PTPRJ: variants seen among roughly 807,000 people sequenced by gnomAD.
PTPRJ encodes receptor-type tyrosine-protein phosphatase eta.
In PTPRJ, 129 loss-of-function variants were observed where a neutral mutation model predicts 141.3. That is an observed-to-expected ratio of 0.91 (90% CI 0.79 to 1.06). The LOEUF is 1.06. Ranked by LOEUF, PTPRJ falls within the 50% of genes least tolerant of loss-of-function variation. PTPRJ has a pLI of 0.00. For synonymous variants in PTPRJ, 610 were observed against 640.5 expected (o/e 0.95, Z 0.72); for missense variants, 1,601 against 1,679.7 (o/e 0.95, Z 0.82).
At chr11:48,071,929 A>G (rs1429456927) in intron 1 of PTPRJ, among the ~76,000 whole-genome samples, 39 of 75,878 alleles carry the variant, frequency 5.1e-4, no homozygotes, top group East Asian at 1.7e-3. Context: ...TTTTTGAGAC[A>G]GAGTCTCACT....
intron 1 of PTPRJ, among the ~76,000 whole-genome samples, chr11:48,022,320 C>G (rs1348277500): frequency 6.6e-6 from 1 of 152,024 alleles, no homozygotes; most frequent in Non-Finnish European, 1.5e-5. Context: ...CAAAATTAGC[C>G]AGGCCTGGTG....
At chr11:48,148,838 C>T (rs1195997407) in intron 15 of PTPRJ, among the ~76,000 whole-genome samples, 1 of 152,030 alleles carries the variant, frequency 6.6e-6, no homozygotes, top group East Asian at 1.9e-4. Context: ...TTTTCTTGGC[C>T]ACAGTTACTT....
At chr11:48,001,784 G>A (rs529729565) in intron 1 of PTPRJ, among the ~76,000 whole-genome samples, 1 of 152,306 alleles carries the variant, frequency 6.6e-6, no homozygotes, top group Admixed American at 6.5e-5. Flanking sequence ...TCAAGCCTAG[G>A]CTGCTTGCTG....
At chr11:48,131,641 T>C (rs1856986667) in intron 8 of PTPRJ, 2 of 704,750 alleles carry the variant, frequency 2.8e-6, no homozygotes, top group South Asian at 1.6e-5. Context: ...GCCATGTTCA[T>C]TTGCTTATGT....
intron 1 of PTPRJ, among the ~76,000 whole-genome samples, chr11:48,053,178 TA>T (rs1411231591): frequency 9.7e-6 from 1 of 103,268 alleles, no homozygotes; most frequent in South Asian, 2.4e-4. Context: ...TAAAAATATA[TA>T]AATATATATA....
chr11:48,096,232 T>C (rs1856001603), intron 1 of PTPRJ, among the ~76,000 whole-genome samples: 1 of 152,156 alleles, frequency 6.6e-6, no homozygotes, highest in South Asian at 2.1e-4. Flanking sequence ...TGTGGACAGA[T>C]GATGCTGGTC....
rs1170823104 is a variant in PTPRJ, at chr11:48,156,004, A to G, written c.3323A>G (p.Asp1108Gly). Residue 1108 changes from aspartate to glycine, a missense_variant, in exon 21 of 25, where the codon GAT becomes GGT. Physicochemically the swap from Asp to Gly is moderately conservative, Grantham distance 94. Coordinates refer to ENST00000418331, the MANE Select transcript of PTPRJ (RefSeq NM_002843.4). ...NYMPGYHSKK[D>G]FIATQGPLPN... Reference sequence around the variant, plus strand: ...TTTTAGGGCTACCACTCCAAGAAAGATTTTATTGCCACACAAGGACCTTTA... The same window carrying G: ...TTTTAGGGCTACCACTCCAAGAAAGGTTTTATTGCCACACAAGGACCTTTA... The G allele has an allele frequency of 6.2e-7, 1 of 1,610,822 alleles. No individual in the cohort carries two copies. Among genetic ancestry groups the G allele is most frequent in the East Asian group, 2.2e-5 (1 of 44,858 alleles).
chr11:48,155,680 C>A, intron 19 of PTPRJ, 121 bp from the exon 20 acceptor site: 1 of 745,952 alleles, frequency 1.3e-6, no homozygotes, highest in Non-Finnish European at 2.2e-6. Context: ...CCACACTGTG[C>A]ATCTTCAAAG....
intron 1 of PTPRJ, among the ~76,000 whole-genome samples, chr11:48,058,979 G>T (rs61914724): frequency 0.094 from 14,304 of 151,872 alleles, 934 homozygotes; most frequent in Non-Finnish European, 0.14. Flanking sequence ...GGCTTTGCAT[G>T]GGCCTTCTTC....
chr11:48,056,486 T>G (rs1386873636), intron 1 of PTPRJ, among the ~76,000 whole-genome samples: 1 of 152,196 alleles, frequency 6.6e-6, no homozygotes, highest in Non-Finnish European at 1.5e-5. Flanking sequence ...GCAGCTATTA[T>G]CTTAACTATT....
chr11:48,094,028 C>T (rs998808989), intron 1 of PTPRJ, among the ~76,000 whole-genome samples: 1 of 152,134 alleles, frequency 6.6e-6, no homozygotes, highest in African/African-American at 2.4e-5. Flanking sequence ...CTTCTTTTTC[C>T]CTGGTGGGTC....
At chr11:48,134,360 C>A (rs1437713611) in intron 8 of PTPRJ, among the ~76,000 whole-genome samples, 2 of 152,034 alleles carry the variant, frequency 1.3e-5, no homozygotes, top group African/African-American at 4.8e-5. Flanking sequence ...GATCACAGTG[C>A]CCACAGCCCT....
intron 1 of PTPRJ, among the ~76,000 whole-genome samples, chr11:48,077,921 G>T (rs959450388): frequency 2.0e-5 from 3 of 152,182 alleles, no homozygotes; most frequent in African/African-American, 7.2e-5. Context: ...ATTGTATCCT[G>T]CCCTTCAATG....
chr11:48,148,447 T>G (rs1280092721), intron 15 of PTPRJ, among the ~76,000 whole-genome samples: 2 of 152,098 alleles, frequency 1.3e-5, no homozygotes, highest in Non-Finnish European at 2.9e-5. Context: ...ACAATTTTTT[T>G]TTTTTTTGAG....
intron 1 of PTPRJ, 151 bp from the exon 2 acceptor site, chr11:48,109,907 C>T (rs1856395105): frequency 2.5e-6 from 2 of 807,802 alleles, no homozygotes; most frequent in Non-Finnish European, 4.1e-6. Context: ...TTTAATGTCC[C>T]AAGACGGCCT....
intron 1 of PTPRJ, among the ~76,000 whole-genome samples, chr11:48,033,055 TA>T (rs563339996): frequency 1.2e-3 from 174 of 143,316 alleles, no homozygotes; most frequent in Non-Finnish European, 1.1e-3. Flanking sequence ...CCGTCTCTAT[TA>T]AAAAAAAAAA....
At position 48,124,969 on chromosome 11, in the gene PTPRJ, T is replaced by C; in HGVS notation, c.876T>C (p.Asp292=). The C allele has an allele frequency of 2.5e-6, 4 of 1,613,714 alleles. No homozygotes were observed. The highest frequency in any genetic ancestry group is 3.4e-6 in the Non-Finnish European group (4 of 1,179,936). The part of the protein sequence containing the change: ...GDPLGTEGGL[D]ASNTERSRAG... ...TTTTGTCTCCTGTGCTTGAAACAGA[T>C]GCCAGCAATACAGAGAGAAGCCGGG... is the stretch of plus-strand genomic sequence containing the variant. The change falls in exon 6 of 25, where the codon GAT becomes GAC. Residue 292 remains aspartate (D), a splice_region_variant and synonymous_variant. Coordinates refer to ENST00000418331, the MANE Select transcript of PTPRJ (RefSeq NM_002843.4).
chr11:48,150,228 C>G (rs1267478393), intron 18 of PTPRJ, 45 bp downstream of exon 18: 2 of 1,561,360 alleles, frequency 1.3e-6, no homozygotes, highest in African/African-American at 1.4e-5. Flanking sequence ...AGGTTCCAAC[C>G]CAAGCTGGGA....
rs777761710 is a variant in PTPRJ at position 48,143,067 on chromosome 11, G to T, written c.2575+17G>T. On this transcript the variant is annotated intron_variant, in intron 12 of 24. Transcript: ENST00000418331. ...CCGGGGAAGGTAAGGAGAGGCCTCC[G>T]TGGGTTAAACAGCCCATGAGTGATG... 10 of 1,613,706 alleles carry T rather than the reference G, an allele frequency of 6.2e-6. No individual in the cohort carries two copies. The highest frequency in any genetic ancestry group is 7.6e-6 in the Non-Finnish European group (9 of 1,179,832).
Sources: allele counts gnomAD v4.1 joint callset (sites outside exome capture counted in the v4.1 genomes callset), GRCh38; gene constraint gnomAD v4.1.1; transcripts MANE v1.5; gene names NCBI Gene and HGNC (gene_info 2026-07-23, HGNC 2026-07-21).